The following CAMTA2 variants were observed in gnomAD, a reference collection of about 807,000 sequenced individuals.
CAMTA2 encodes calmodulin binding transcription activator 2, also known as calmodulin-binding transcription activator 2.
Under a neutral mutation model 135.7 loss-of-function variants are expected in CAMTA2, and 56 were observed. The observed-to-expected ratio is 0.41, with a 90% CI of 0.33 to 0.52. The LOEUF is 0.52. CAMTA2 is among the 20% of genes least tolerant of loss of function. The pLI, the probability that CAMTA2 is intolerant of heterozygous loss-of-function variation, is 0.16. For missense variants in CAMTA2, 1,358 were observed against 1,553.4 expected (o/e 0.87, Z 2.11); for synonymous variants, 591 against 604.6 (o/e 0.98, Z 0.33).
chr17:4,980,170 G>A lies in CAMTA2; in HGVS notation c.1152C>T (p.Pro384=), dbSNP rs1396932312. Residue 384 remains proline, a synonymous_variant, in exon 9 of 23, where the codon CCC becomes CCT. Transcript: ENST00000348066. The surrounding 1 kb of genome is among the most constrained non-coding windows in gnomAD (Gnocchi z 5.3). Reference sequence around the variant, plus strand: ...CCCCTCCATATGTCTGGCCCCTCTGGGGGCTGTTGAGAAAACGATCAGGGT... The same window carrying A: ...CCCCTCCATATGTCTGGCCCCTCTGAGGGCTGTTGAGAAAACGATCAGGGT... ...AFDPDRFLNS[P]QRGQTYGGGQ... The A allele has an allele frequency of 6.3e-7, 1 of 1,578,180 alleles. No individual in the cohort carries two copies. Among genetic ancestry groups the A allele is most frequent in the Admixed American group, 1.8e-5 (1 of 55,400 alleles).
In CAMTA2 at chr17:4,973,217, C is replaced by G. The variant is rs893861409; in HGVS notation, c.2238G>C (p.Glu746Asp). The G allele has an allele frequency of 9.9e-6, 16 of 1,613,976 alleles. No homozygotes were observed. The highest frequency in any genetic ancestry group is 1.2e-5 in the Non-Finnish European group (14 of 1,179,992). The change falls in exon 14 of 23, where the codon GAG (glutamate) becomes GAC (aspartate). Residue 746 changes from glutamate (E) to aspartate (D), a missense_variant. Glu to Asp is a conservative substitution (Grantham distance 45, BLOSUM62 2). Transcript: ENST00000348066. ...VETGSLDLEQEVDPLNVDHFS... is the reference protein window; with the variant it reads ...VETGSLDLEQDVDPLNVDHFS... Reference sequence around the variant, plus strand: ...AATGATCCACGTTGAGCGGGTCAACCTCCTGCTCTAAGTCCAAGCTTCCAG... The same window carrying G: ...AATGATCCACGTTGAGCGGGTCAACGTCCTGCTCTAAGTCCAAGCTTCCAG...
rs1326118976 is a variant in CAMTA2, at chr17:4,968,023, C to T, written c.*733G>A. Reference sequence around the variant, plus strand: ...GGTGCAGCGATGTTTAATGGCAATTCGTATAAACCAAGCCCATGCACAAGT... The same window carrying T: ...GGTGCAGCGATGTTTAATGGCAATTTGTATAAACCAAGCCCATGCACAAGT... On this transcript the variant is annotated 3_prime_UTR_variant, in exon 23 of 23. Coordinates refer to ENST00000348066, the MANE Select transcript of CAMTA2 (RefSeq NM_015099.4). The T allele has an allele frequency of 8.7e-6, 5 of 575,978 alleles. No homozygotes were observed. Among genetic ancestry groups the T allele is most frequent in the Admixed American group, 6.3e-5 (2 of 31,566 alleles). The allele number at this position is 575,978 out of a possible 1,614,324, so 35.7% of individuals were successfully genotyped here.
chr17:4,976,946 A>C, intron 11 of CAMTA2, 112 bp downstream of exon 11: 1 of 1,057,498 alleles, frequency 9.5e-7, no homozygotes, highest in Non-Finnish European at 1.3e-6. Context: ...GAAAAAAAAA[A>C]ATGGTAAAGT....
intron 10 of CAMTA2, 44 bp downstream of exon 10, chr17:4,978,460 G>T: frequency 6.2e-7 from 1 of 1,603,280 alleles, no homozygotes; most frequent in Non-Finnish European, 8.5e-7. Flanking sequence ...TGTCCTAACT[G>T]CCCACATGTC....
chr17:4,979,419 A>G (rs1293329224), intron 9 of CAMTA2: 1 of 269,072 alleles, frequency 3.7e-6, no homozygotes. Context: ...CTGAGGCAGG[A>G]GAATCGTTTG....
Position 4,980,141 on chromosome 17 carries a change from T to C in CAMTA2, c.1181A>G (p.Gln394Arg), listed in dbSNP as rs2151186882. The C allele has an allele frequency of 1.3e-6, 2 of 1,594,748 alleles. No individual in the cohort carries two copies. The highest frequency in any genetic ancestry group is 1.7e-6 in the Non-Finnish European group (2 of 1,169,506). The change falls in exon 9 of 23, where the codon CAG becomes CGG. Residue 394 changes from glutamine to arginine, a missense_variant. Transcript: ENST00000348066. This position sits in a 1 kb window ranked among gnomAD's most constrained non-coding sequence, Gnocchi z 5.3. ...PQRGQTYGGG[Q>R]GVSPDFPEAE... ...CTCGGGGAAGTCTGGGCTTACTCCC[T>C]GCCCCCCTCCATATGTCTGGCCCCT...
At chr17:4,971,908 C>G (rs942400075) in intron 16 of CAMTA2, among the ~76,000 whole-genome samples, 3 of 152,102 alleles carry the variant, frequency 2.0e-5, no homozygotes, top group African/African-American at 4.8e-5. Flanking sequence ...AGGCTGGTCT[C>G]AAACTCCTGG....
intron 16 of CAMTA2, 61 bp downstream of exon 16, chr17:4,972,171 G>C: frequency 7.2e-7 from 1 of 1,386,710 alleles, no homozygotes; most frequent in Non-Finnish European, 1.0e-6. Flanking sequence ...CTTCATGGAA[G>C]TCGGCCTCAC....
At chr17:4,975,592 G>A (rs1313489227) in intron 11 of CAMTA2, among the ~76,000 whole-genome samples, 2 of 152,170 alleles carry the variant, frequency 1.3e-5, no homozygotes, top group African/African-American at 4.8e-5. Flanking sequence ...TCCCAAGGTA[G>A]GCAGACTCAA....
intron 11 of CAMTA2, among the ~76,000 whole-genome samples, chr17:4,975,689 G>A (rs1009626959): frequency 8.5e-5 from 13 of 152,306 alleles, no homozygotes; most frequent in East Asian, 3.9e-4. Context: ...GAGCTCCGGA[G>A]AGAGAGAAGT....
At chr17:4,976,409 A>G (rs1373922456) in intron 11 of CAMTA2, among the ~76,000 whole-genome samples, 2 of 152,248 alleles carry the variant, frequency 1.3e-5, no homozygotes, top group African/African-American at 2.4e-5. Flanking sequence ...ATTTAAATAT[A>G]TAAGTACAGC....
Position 4,969,005 on chromosome 17 carries a change from A to T in CAMTA2, c.3471-24T>A. On this transcript the variant is annotated intron_variant, in intron 21 of 22. Coordinates refer to ENST00000348066, the MANE Select transcript of CAMTA2 (RefSeq NM_015099.4). This position sits in a 1 kb window ranked among gnomAD's most constrained non-coding sequence, Gnocchi z 5.6. ...CTCTGGTGAAAGAAACAAAAGATGGACCTCACAGAAGGCATCGCATGCCTT... is the reference window on the plus strand; with the variant it reads ...CTCTGGTGAAAGAAACAAAAGATGGTCCTCACAGAAGGCATCGCATGCCTT... The T allele has an allele frequency of 1.2e-6, 2 of 1,612,000 alleles. No homozygotes were observed. The highest frequency in any genetic ancestry group is 8.5e-7 in the Non-Finnish European group (1 of 1,178,720).
intron 1 of CAMTA2, chr17:4,986,754 A>G: frequency 1.8e-6 from 1 of 553,396 alleles, no homozygotes; most frequent in South Asian, 2.2e-5. Context: ...TCTCTGTTTG[A>G]TTTTTCCAAG....
chr17:4,984,725 A>G (rs907216892), intron 3 of CAMTA2, among the ~76,000 whole-genome samples: 5 of 152,174 alleles, frequency 3.3e-5, no homozygotes, highest in African/African-American at 1.2e-4. Flanking sequence ...GTGGTGGTTA[A>G]TAACAAAGGT....
Position 4,982,838 on chromosome 17 carries a change from C to A in CAMTA2, c.258G>T (p.Lys86Asn). Residue 86 changes from lysine (K) to asparagine (N), a missense_variant, in exon 5 of 23, where the codon AAG becomes AAT. This residue lies in a region of CAMTA2 where 105 missense variants were observed against 190.9 expected (regional missense o/e 0.55). Transcript: ENST00000348066. Reference sequence around the variant, plus strand: ...TCCGCTTCTTCCAGAGGTAACCATCCTTCCGATATTTCACCTTCTTGCGAT... The same window carrying A: ...TCCGCTTCTTCCAGAGGTAACCATCATTCCGATATTTCACCTTCTTGCGAT... ...LYNRKKVKYR[K>N]DGYLWKKRKD... 1 of 1,614,186 alleles carries A rather than the reference C, an allele frequency of 6.2e-7. No homozygotes were observed. Among genetic ancestry groups the A allele is most frequent in the Non-Finnish European group, 8.5e-7 (1 of 1,180,048 alleles).
In CAMTA2 at chr17:4,977,108, C is replaced by T. The variant is rs373579185; in HGVS notation, c.1850G>A (p.Arg617His). ...SASVLFEYRA[R>H]RFLSLPSTQL... is the part of the protein sequence containing the mutation. ...AGTACTAGGCAGAGACAGGAATCGGCGGGCTCGATACTCAAAGAGCACAGA... is the reference window on the plus strand; with the variant it reads ...AGTACTAGGCAGAGACAGGAATCGGTGGGCTCGATACTCAAAGAGCACAGA... Residue 617 changes from arginine to histidine, a missense_variant, in exon 11 of 23, where the codon CGC (arginine) becomes CAC (histidine). By Grantham distance (29) the Arg-to-His change is conservative. Transcript: ENST00000348066. 6.2e-6 allele frequency: 10 copies of T among 1,614,088 alleles called. No individual in the cohort carries two copies. The highest frequency in any genetic ancestry group is 2.2e-5 in the East Asian group (1 of 44,874).
chr17:4,972,159 T>C, intron 16 of CAMTA2, 73 bp downstream of exon 16: 1 of 1,292,296 alleles, frequency 7.7e-7, no homozygotes, highest in Non-Finnish European at 1.1e-6. Context: ...ACTTTGATTC[T>C]GCTTCATGGA....
Position 4,977,147 on chromosome 17 carries a change from C to T in CAMTA2, c.1811G>A (p.Gly604Glu), listed in dbSNP as rs1471932288. 1.2e-6 allele frequency: 2 copies of T among 1,613,890 alleles called. No individual in the cohort carries two copies. The highest frequency in any genetic ancestry group is 1.7e-6 in the Non-Finnish European group (2 of 1,179,976). The change falls in exon 11 of 23, where the codon GGG becomes GAG. Residue 604 changes from glycine (G) to glutamate (E), a missense_variant. This residue lies in a region of CAMTA2 where 1,077 missense variants were observed against 1,127.5 expected (regional missense o/e 0.96). Coordinates refer to ENST00000348066, the MANE Select transcript of CAMTA2 (RefSeq NM_015099.4). ...AAAGAGCACAGAAGCAGAAAGGGGC[C>T]CCTCCCGCCCTGCCACCTGCAAAGA... ...LVSLQVAGRE[G>E]PLSASVLFEY...
intron 14 of CAMTA2, 83 bp downstream of exon 14, chr17:4,973,092 C>T: frequency 1.3e-6 from 2 of 1,518,364 alleles, no homozygotes; most frequent in Non-Finnish European, 1.8e-6. Context: ...ACCCCACTCC[C>T]TGCATTCCTC....
Sources: allele counts gnomAD v4.1 joint callset (sites outside exome capture counted in the v4.1 genomes callset), GRCh38; gene constraint gnomAD v4.1.1; regional missense constraint gnomAD v4.1.1; non-coding constraint Gnocchi (gnomAD v3.1); transcripts MANE v1.5; gene names NCBI Gene and HGNC (gene_info 2026-07-23, HGNC 2026-07-21).